GRXCR1: variants seen among roughly 807,000 people sequenced by gnomAD.
GRXCR1 encodes the protein glutaredoxin and cysteine rich domain containing 1.
GRXCR1 carries 27 observed loss-of-function variants against 27.3 expected under a neutral mutation model. The observed-to-expected ratio is 0.99, with a 90% confidence interval of 0.73 to 1.37. GRXCR1 has a LOEUF of 1.37. Ranked by LOEUF, GRXCR1 falls within the 40% of genes most tolerant of loss-of-function variation. The probability of loss-of-function intolerance (pLI) is 0.00; values close to 1 mark genes in which losing one functional copy is unlikely to be tolerated. For synonymous variants in GRXCR1, 122 were observed against 131.1 expected (o/e 0.93, Z 0.47); for missense variants, 379 against 354.4 (o/e 1.07, Z -0.56).
intron 1 of GRXCR1, among the ~76,000 whole-genome samples, chr4:42,932,716 C>A (rs913289364): frequency 1.5e-5 from 2 of 135,584 alleles, no homozygotes; most frequent in Non-Finnish European, 3.1e-5. Context: ...AAATATGAAG[C>A]CTCTCTGTCC....
chr4:42,941,733 G>T (rs1384385217), intron 1 of GRXCR1, among the ~76,000 whole-genome samples: 1 of 151,934 alleles, frequency 6.6e-6, no homozygotes, highest in Non-Finnish European at 1.5e-5. Context: ...GCATTGTGTA[G>T]ATCAAGCTTC....
chr4:42,969,445 A>C (rs1194477977), intron 2 of GRXCR1, among the ~76,000 whole-genome samples: 1 of 152,120 alleles, frequency 6.6e-6, no homozygotes, highest in Non-Finnish European at 1.5e-5. Context: ...TCTGTAATGT[A>C]AGCTGCTGTT....
Position 42,893,198 on chromosome 4 carries a change from GGCAAGTGGACTAGT to G in GRXCR1, c.-65_-52del. 1 of 1,570,056 alleles carries G rather than the reference GGCAAGTGGACTAGT, an allele frequency of 6.4e-7. No individual in the cohort carries two copies. Among genetic ancestry groups the G allele is most frequent in the Non-Finnish European group, 8.8e-7 (1 of 1,141,892 alleles). On this transcript the variant is annotated 5_prime_UTR_variant, in exon 1 of 4. Transcript: ENST00000399770. ...AGAATTGGCTCTGATATTGCTATCT[GGCAAGTGGACTAGT>G]GCAGTAACAACGGGTCCAGAATGCT...
chr4:42,926,498 T>TTA (rs1444970122), intron 1 of GRXCR1, among the ~76,000 whole-genome samples: 1 of 151,996 alleles, frequency 6.6e-6, no homozygotes, highest in East Asian at 1.9e-4. Context: ...AATACTGTTT[T>TTA]TTTTTTCCAA....
intron 1 of GRXCR1, among the ~76,000 whole-genome samples, chr4:42,955,331 T>C (rs987782691): frequency 3.3e-5 from 5 of 152,104 alleles, no homozygotes; most frequent in Admixed American, 3.3e-4. Context: ...TGTGGGACCA[T>C]AATTTATTAA....
chr4:42,990,170 G>GTTAT (rs1243636449), intron 2 of GRXCR1, among the ~76,000 whole-genome samples: 1 of 63,494 alleles, frequency 1.6e-5, no homozygotes, highest in African/African-American at 5.5e-5. Context: ...TGAATTATTA[G>GTTAT]TTCTTTTTTT....
intron 1 of GRXCR1, among the ~76,000 whole-genome samples, chr4:42,903,102 G>A (rs965897134): frequency 2.6e-5 from 4 of 152,194 alleles, no homozygotes; most frequent in Admixed American, 2.0e-4. Flanking sequence ...ACCGGAGCCC[G>A]AAGGCTGAAG....
intron 3 of GRXCR1, among the ~76,000 whole-genome samples, chr4:43,020,918 C>A (rs966760421): frequency 1.3e-5 from 2 of 152,082 alleles, no homozygotes; most frequent in Non-Finnish European, 2.9e-5. Context: ...AACATGCAAC[C>A]GGAAAGCCCT....
chr4:42,933,767 A>G (rs571517189), intron 1 of GRXCR1, among the ~76,000 whole-genome samples: 1 of 151,920 alleles, frequency 6.6e-6, no homozygotes, highest in Non-Finnish European at 1.5e-5. Flanking sequence ...CAGACATCAA[A>G]TCTAGTAGAG....
intron 1 of GRXCR1, among the ~76,000 whole-genome samples, chr4:42,914,333 T>G (rs1339913039): frequency 6.6e-6 from 1 of 152,254 alleles, no homozygotes; most frequent in Non-Finnish European, 1.5e-5. Flanking sequence ...AGCCCACCTC[T>G]TGCATCAGCA....
At chr4:43,010,614 G>A (rs1470103133) in intron 2 of GRXCR1, among the ~76,000 whole-genome samples, 2 of 151,876 alleles carry the variant, frequency 1.3e-5, no homozygotes, top group Non-Finnish European at 1.5e-5. Flanking sequence ...TGGGGATGGA[G>A]GTAATTACTA....
At chr4:42,987,260 TAATA>T (rs1711794502) in intron 2 of GRXCR1, among the ~76,000 whole-genome samples, 2 of 73,266 alleles carry the variant, frequency 2.7e-5, no homozygotes, top group African/African-American at 9.3e-5. Context: ...TATATATATA[TAATA>T]TATATATATA....
At position 42,893,399 on chromosome 4, in the gene GRXCR1, G is replaced by A. The variant is rs1179391308; in HGVS notation, c.133G>A (p.Glu45Lys). ...DGQPSGSLDS[E>K]CASICGIDGL... is the part of the protein sequence containing the mutation. ...GCAACCGTCAGGCTCTCTGGATTCT[G>A]AATGTGCCAGTATCTGTGGGATAGA... Residue 45 changes from glutamate (E) to lysine (K), a missense_variant, in exon 1 of 4, where the codon GAA (glutamate) becomes AAA (lysine). Physicochemically the swap from Glu to Lys is moderately conservative, Grantham distance 56. Coordinates refer to ENST00000399770, the MANE Select transcript of GRXCR1 (RefSeq NM_001080476.3). 3 of 1,613,832 alleles carry A rather than the reference G, an allele frequency of 1.9e-6. No individual in the cohort carries two copies. The highest frequency in any genetic ancestry group is 2.5e-6 in the Non-Finnish European group (3 of 1,179,814).
intron 2 of GRXCR1, among the ~76,000 whole-genome samples, chr4:42,999,397 C>A (rs1314476898): frequency 6.6e-6 from 1 of 152,240 alleles, no homozygotes; most frequent in Non-Finnish European, 1.5e-5. Context: ...GGTCCTTCGA[C>A]TGCACAGCCT....
At chr4:42,969,113 C>T (rs1748320209) in intron 2 of GRXCR1, among the ~76,000 whole-genome samples, 1 of 151,998 alleles carries the variant, frequency 6.6e-6, no homozygotes, top group South Asian at 2.1e-4. Context: ...TTTGTTGTTT[C>T]TGTATGGGAG....
At chr4:43,014,886 A>C (rs1712883139) in intron 2 of GRXCR1, among the ~76,000 whole-genome samples, 1 of 152,212 alleles carries the variant, frequency 6.6e-6, no homozygotes, top group South Asian at 2.1e-4. Context: ...TGCCCGAAGA[A>C]GTCATAGCCC....
chr4:42,913,256 G>A (rs1746767913), intron 1 of GRXCR1, among the ~76,000 whole-genome samples: 2 of 152,134 alleles, frequency 1.3e-5, no homozygotes, highest in African/African-American at 4.8e-5. Context: ...CACTTTGGAG[G>A]GCTCAGAAGA....
chr4:42,916,055 A>G (rs1746878848), intron 1 of GRXCR1, among the ~76,000 whole-genome samples: 2 of 150,328 alleles, frequency 1.3e-5, no homozygotes. Flanking sequence ...AAAATTCCGT[A>G]TGTTTGAAGA....
At chr4:43,024,064 G>T (rs1226726907) in intron 3 of GRXCR1, among the ~76,000 whole-genome samples, 1 of 152,120 alleles carries the variant, frequency 6.6e-6, no homozygotes, top group Non-Finnish European at 1.5e-5. Context: ...GGTTCTGGCA[G>T]ACACTGAATT....
Sources: allele counts gnomAD v4.1 joint callset (sites outside exome capture counted in the v4.1 genomes callset), GRCh38; gene constraint gnomAD v4.1.1; transcripts MANE v1.5; gene names NCBI Gene and HGNC (gene_info 2026-07-23, HGNC 2026-07-21).